TRIQK: variants seen among roughly 807,000 people sequenced by gnomAD.
TRIQK encodes the protein triple QxxK/R motif-containing protein.
A neutral mutation model predicts 10.8 loss-of-function variants in TRIQK; 10 were observed. The observed-to-expected ratio is 0.92, with a 90% CI of 0.57 to 1.57. TRIQK has a LOEUF of 1.57. TRIQK is among the 40% of genes most tolerant of loss of function. The pLI is 0.00. For synonymous variants in TRIQK, 33 were observed against 33.7 expected, an observed-to-expected ratio of 0.98 and a Z score of 0.07; for missense variants, 107 against 97.7, an observed-to-expected ratio of 1.09 and a Z score of -0.40.
At chr8:93,011,633 G>GA (rs1326176684) in intron 1 of TRIQK, among the ~76,000 whole-genome samples, 1 of 151,964 alleles carries the variant, frequency 6.6e-6, no homozygotes, top group East Asian at 1.9e-4. Flanking sequence ...GTTTTGTGGA[G>GA]AAAAAACATA....
At chr8:92,991,717 T>C (rs1054059441) in intron 1 of TRIQK, among the ~76,000 whole-genome samples, 2 of 152,138 alleles carry the variant, frequency 1.3e-5, no homozygotes, top group Non-Finnish European at 2.9e-5. Flanking sequence ...TCAAATTGTC[T>C]CTGTTTGCAG....
At chr8:93,001,459 G>A (rs755051114) in intron 1 of TRIQK, among the ~76,000 whole-genome samples, 1 of 152,034 alleles carries the variant, frequency 6.6e-6, no homozygotes, top group Non-Finnish European at 1.5e-5. Context: ...GATGCAAATA[G>A]AAACCAAAAG....
At chr8:92,980,663 ATTTTATGTAGG>A (rs1416025500) in intron 1 of TRIQK, among the ~76,000 whole-genome samples, 2 of 151,996 alleles carry the variant, frequency 1.3e-5, no homozygotes, top group East Asian at 1.9e-4. Context: ...AAGTATATAC[ATTTTATGTAGG>A]TTTTATGTAG....
At chr8:92,979,709 A>G (rs1315503891) in intron 1 of TRIQK, among the ~76,000 whole-genome samples, 1 of 151,994 alleles carries the variant, frequency 6.6e-6, no homozygotes, top group East Asian at 1.9e-4. Flanking sequence ...AGTTTTCTTA[A>G]TGGCAACTAC....
intron 2 of TRIQK, among the ~76,000 whole-genome samples, chr8:92,924,364 G>T (rs1810336120): frequency 6.6e-6 from 1 of 151,952 alleles, no homozygotes; most frequent in East Asian, 1.9e-4. Context: ...AACTATTAAT[G>T]ATCTGAATTT....
chr8:92,944,049 G>A (rs1811399183), intron 2 of TRIQK, among the ~76,000 whole-genome samples: 1 of 152,008 alleles, frequency 6.6e-6, no homozygotes, highest in Non-Finnish European at 1.5e-5. Flanking sequence ...TTGAAAATGT[G>A]CAAAAGACCT....
intron 2 of TRIQK, among the ~76,000 whole-genome samples, chr8:92,942,516 A>C (rs1811319893): frequency 6.6e-6 from 1 of 152,198 alleles, no homozygotes; most frequent in African/African-American, 2.4e-5. Flanking sequence ...ACTTCTGTTC[A>C]ACATAGTATT....
At position 92,891,997 on chromosome 8, in the gene TRIQK, C is replaced by A; in HGVS notation, c.139G>T (p.Gly47Cys). ...LKAEAKKTAI[G>C]IKEVGLVLAA... ...ATCAAATAGAGGTTTACCTTTATGC[C>A]TATTGCTGTTTTCTTTGCTTCTGCT... The change falls in exon 4 of 5, where the codon GGC (glycine) becomes TGC (cysteine). Residue 47 changes from glycine to cysteine, a missense_variant. By Grantham distance (159) the Gly-to-Cys change is radical. Transcript: ENST00000521988. 1 of 1,532,806 alleles carries A rather than the reference C, an allele frequency of 6.5e-7. No homozygotes were observed. The highest frequency in any genetic ancestry group is 1.4e-5 in the African/African-American group (1 of 72,900). The allele number at this position is 1,532,806 out of a possible 1,614,324, so 95.0% of individuals were successfully genotyped here. A position where few individuals can be genotyped will look rare whatever the true frequency, so the allele number is the denominator to read the frequency against.
chr8:92,941,325 C>A (rs1002882178), intron 2 of TRIQK: 1 of 152,168 alleles, frequency 6.6e-6, no homozygotes, highest in African/African-American at 2.4e-5. Context: ...GATCTGCCCA[C>A]CTTGGCCTCC....
Position 92,962,864 on chromosome 8 carries a change from A to G in TRIQK, c.-181+3143T>C, listed in dbSNP as rs140695819. Among the ~76,000 whole-genome samples, 30 of 152,354 alleles carry G rather than the reference A, an allele frequency of 2.0e-4. No homozygotes were observed. In the East Asian group the frequency reaches 4.6e-3, roughly 24 times the overall value. On this transcript the variant is annotated intron_variant, in intron 1 of 4. Transcript: ENST00000521988. ...CTGAAATTTTTCTCTCAGCTGAACT[A>G]AAGTCTAGGTTCTGGGAAAGAGAGT...
intron 3 of TRIQK, among the ~76,000 whole-genome samples, chr8:92,902,210 A>G (rs1184370254): frequency 2.0e-5 from 3 of 152,048 alleles, no homozygotes; most frequent in Non-Finnish European, 4.4e-5. Flanking sequence ...AGGATCCCAG[A>G]GTATTTTAGT....
At chr8:92,960,054 T>C (rs1586502342) in intron 1 of TRIQK, among the ~76,000 whole-genome samples, 1 of 152,250 alleles carries the variant, frequency 6.6e-6, no homozygotes, top group South Asian at 2.1e-4. Flanking sequence ...GATTTTTGTG[T>C]CTCTTTAAGT....
At chr8:92,900,201 C>T (rs1252310750) in intron 3 of TRIQK, among the ~76,000 whole-genome samples, 1 of 151,834 alleles carries the variant, frequency 6.6e-6, no homozygotes, top group Non-Finnish European at 1.5e-5. Flanking sequence ...GTGGGTTGTC[C>T]CTTTCACTTT....
At chr8:92,897,501 G>A (rs942742820) in intron 3 of TRIQK, among the ~76,000 whole-genome samples, 1 of 152,106 alleles carries the variant, frequency 6.6e-6, no homozygotes, top group African/African-American at 2.4e-5. Flanking sequence ...ACAGGAGTGG[G>A]CTCATGATAA....
chr8:92,947,540 C>T (rs931792725), intron 2 of TRIQK, among the ~76,000 whole-genome samples: 26 of 138,216 alleles, frequency 1.9e-4, no homozygotes, highest in African/African-American at 5.4e-5. Context: ...GCCGAGATTG[C>T]GCCATTGCAT....
Position 92,891,994 on chromosome 8 carries a change from T to C in TRIQK, c.142A>G (p.Ile48Val), listed in dbSNP as rs746890635. The change falls in exon 4 of 5, where the codon ATA becomes GTA. Residue 48 changes from isoleucine (I) to valine (V), a missense_variant. Transcript: ENST00000521988. Reference protein sequence around the residue: ...KAEAKKTAIGIKEVGLVLAAI... With the variant: ...KAEAKKTAIGVKEVGLVLAAI... ...GTTATCAAATAGAGGTTTACCTTTA[T>C]GCCTATTGCTGTTTTCTTTGCTTCT... 1.3e-6 allele frequency: 2 copies of C among 1,532,498 alleles called. No individual in the cohort carries two copies. The highest frequency in any genetic ancestry group is 1.4e-5 in the African/African-American group (1 of 72,878). The allele number at this position is 1,532,498 out of a possible 1,614,324, so 94.9% of individuals were successfully genotyped here. A position where few individuals can be genotyped will look rare whatever the true frequency, so the allele number is the denominator to read the frequency against.
At chr8:93,004,595 C>A (rs1054390642) in intron 1 of TRIQK, among the ~76,000 whole-genome samples, 1 of 152,156 alleles carries the variant, frequency 6.6e-6, no homozygotes, top group African/African-American at 2.4e-5. Flanking sequence ...ATGGTTGAGC[C>A]GCAAATTTTC....
intron 2 of TRIQK, among the ~76,000 whole-genome samples, chr8:92,921,100 A>C (rs1208730613): frequency 6.6e-6 from 1 of 151,678 alleles, no homozygotes; most frequent in East Asian, 1.9e-4. Flanking sequence ...ATAAATGGGA[A>C]TGATTATTGC....
chr8:92,895,753 T>C (rs749967755), intron 3 of TRIQK, among the ~76,000 whole-genome samples: 3 of 152,192 alleles, frequency 2.0e-5, no homozygotes, highest in Non-Finnish European at 4.4e-5. Flanking sequence ...TGGACTAAAG[T>C]ATCTGCCAGA....
Sources: gnomAD v4.1 joint callset for allele counts (sites outside exome capture counted in the v4.1 genomes callset) on GRCh38, gnomAD v4.1.1 for gene constraint, MANE v1.5 for transcripts, NCBI Gene and HGNC (gene_info 2026-07-23, HGNC 2026-07-21) for gene names.